Variants in EPHB1 observed in about 807,000 individuals in gnomAD.
EPHB1 encodes the protein ephrin type-B receptor 1.
EPHB1 carries 30 observed loss-of-function variants against 94.4 expected under a neutral mutation model. That is an observed-to-expected ratio of 0.32 (90% CI 0.24 to 0.43). The LOEUF (loss-of-function observed/expected upper bound fraction) is 0.43, where lower values mean the gene tolerates loss of function less well. Among genes scored for constraint, EPHB1 ranks in the 20% least tolerant of loss-of-function variants. The pLI is 1.00. For missense variants in EPHB1, 1,055 were observed against 1,308.3 expected, an observed-to-expected ratio of 0.81 and a Z score of 2.99; for synonymous variants, 522 against 489.1, an observed-to-expected ratio of 1.07 and a Z score of -0.89.
At chr3:135,002,263 A>G (rs981158283) in intron 3 of EPHB1, among the ~76,000 whole-genome samples, 1 of 152,002 alleles carries the variant, frequency 6.6e-6, no homozygotes, top group African/African-American at 2.4e-5. Context: ...ATTGATTTGC[A>G]TATATTGAAC....
At chr3:135,030,247 C>T (rs2107759609) in intron 3 of EPHB1, among the ~76,000 whole-genome samples, 1 of 152,324 alleles carries the variant, frequency 6.6e-6, no homozygotes, top group South Asian at 2.1e-4. Context: ...CTCCGTCCAG[C>T]TTTGTTCTGT....
At chr3:134,825,355 C>A (rs369558455) in intron 1 of EPHB1, among the ~76,000 whole-genome samples, 3 of 152,210 alleles carry the variant, frequency 2.0e-5, no homozygotes, top group African/African-American at 7.2e-5. Flanking sequence ...TGGTTTTGAA[C>A]CTAAGTGTGC....
chr3:134,958,413 A>AGTGT (rs3067407), intron 3 of EPHB1, among the ~76,000 whole-genome samples: 7,706 of 97,508 alleles, frequency 0.079, 246 homozygotes, highest in South Asian at 0.09. Flanking sequence ...AACACAAGGG[A>AGTGT]GTGTGTGTGT....
intron 3 of EPHB1, among the ~76,000 whole-genome samples, chr3:135,021,843 G>T (rs1935997142): frequency 6.6e-6 from 1 of 152,038 alleles, no homozygotes; most frequent in Non-Finnish European, 1.5e-5. Context: ...TAGTAAAGAA[G>T]AATATATATG....
chr3:135,196,964 A>C (rs959190676), intron 11 of EPHB1, among the ~76,000 whole-genome samples: 1 of 152,176 alleles, frequency 6.6e-6, no homozygotes, highest in Admixed American at 6.5e-5. Context: ...CCGTAATATT[A>C]GAAACAATTC....
intron 1 of EPHB1, among the ~76,000 whole-genome samples, chr3:134,806,042 CAT>C (rs1178298631): frequency 2.0e-5 from 3 of 152,132 alleles, no homozygotes; most frequent in Non-Finnish European, 4.4e-5. Context: ...ATAAGTATGA[CAT>C]AATGAATAAA....
intron 3 of EPHB1, among the ~76,000 whole-genome samples, chr3:135,013,324 A>G (rs989862347): frequency 6.6e-6 from 1 of 152,090 alleles, no homozygotes; most frequent in African/African-American, 2.4e-5. Context: ...TGCAGTGCCA[A>G]CTCTGCAGTG....
At chr3:135,038,944 G>T (rs897691725) in intron 3 of EPHB1, among the ~76,000 whole-genome samples, 5 of 152,240 alleles carry the variant, frequency 3.3e-5, no homozygotes, top group African/African-American at 1.2e-4. Flanking sequence ...GGCCTGTTTT[G>T]TCACGGCGCT....
chr3:134,918,208 G>C (rs942962607), intron 1 of EPHB1, among the ~76,000 whole-genome samples: 2 of 152,224 alleles, frequency 1.3e-5, no homozygotes, highest in African/African-American at 4.8e-5. Context: ...ACCTCCATGA[G>C]TAGGACTAGG....
intron 1 of EPHB1, among the ~76,000 whole-genome samples, chr3:134,895,799 A>G (rs1205548200): frequency 6.6e-6 from 1 of 152,212 alleles, no homozygotes; most frequent in African/African-American, 2.4e-5. Flanking sequence ...TATCTTCTGC[A>G]TTTTGAAAAG....
intron 1 of EPHB1, among the ~76,000 whole-genome samples, chr3:134,883,240 A>G (rs1023520042): frequency 6.6e-6 from 1 of 152,172 alleles, no homozygotes; most frequent in Admixed American, 6.5e-5. Flanking sequence ...TGTTTAGAGA[A>G]GCAGAAACTG....
intron 3 of EPHB1, among the ~76,000 whole-genome samples, chr3:135,069,064 C>A (rs527936606): frequency 6.7e-6 from 1 of 148,548 alleles, no homozygotes; most frequent in South Asian, 2.2e-4. Context: ...TTGATGAAAC[C>A]CAGTTTACCT....
intron 3 of EPHB1, among the ~76,000 whole-genome samples, chr3:135,040,428 C>T (rs986109790): frequency 6.6e-6 from 1 of 152,210 alleles, no homozygotes; most frequent in Non-Finnish European, 1.5e-5. Flanking sequence ...GGCTTGTCCT[C>T]TTGGGGACCT....
chr3:134,964,926 A>G (rs1933671200), intron 3 of EPHB1, among the ~76,000 whole-genome samples: 1 of 152,234 alleles, frequency 6.6e-6, no homozygotes, highest in South Asian at 2.1e-4. Context: ...TGCGAATTGC[A>G]ATTTTAAAAA....
At chr3:135,163,147 G>A (rs1030797176) in intron 7 of EPHB1, among the ~76,000 whole-genome samples, 2 of 152,046 alleles carry the variant, frequency 1.3e-5, no homozygotes, top group Non-Finnish European at 2.9e-5. Context: ...TGTTTGATAG[G>A]GCTTGAGATT....
intron 1 of EPHB1, among the ~76,000 whole-genome samples, chr3:134,828,006 C>T (rs1282656656): frequency 6.6e-6 from 1 of 152,134 alleles, no homozygotes; most frequent in Non-Finnish European, 1.5e-5. Flanking sequence ...CCCTTTCCAT[C>T]TGAACCCTTC....
rs2038781313 is a variant in EPHB1 at position 134,925,875 on chromosome 3, T to G, written c.118T>G (p.Ser40Ala). 2.5e-6 allele frequency: 4 copies of G among 1,602,758 alleles called. No homozygotes were observed. The highest frequency in any genetic ancestry group is 3.4e-6 in the Non-Finnish European group (4 of 1,174,372). The change falls in exon 2 of 16, where the codon TCC (serine) becomes GCC (alanine). Residue 40 changes from serine (S) to alanine (A), a missense_variant. Ser to Ala is a moderately conservative substitution (Grantham distance 99). Coordinates refer to ENST00000398015, the MANE Select transcript of EPHB1 (RefSeq NM_004441.5). Reference sequence around the variant, plus strand: ...GCTGGGCTGGACGGCCAATCCTGCGTCCGGGGTGAGTATCAAACCATTCGT... The same window carrying G: ...GCTGGGCTGGACGGCCAATCCTGCGGCCGGGGTGAGTATCAAACCATTCGT... The part of the protein sequence containing the change: ...AELGWTANPA[S>A]GWEEVSGYDE...
intron 3 of EPHB1, among the ~76,000 whole-genome samples, chr3:134,988,416 A>T (rs369743685): frequency 1.1e-4 from 16 of 152,186 alleles, no homozygotes; most frequent in African/African-American, 3.4e-4. Context: ...CAGACTATAT[A>T]TTTTTTTTCA....
chr3:134,818,005 G>C lies in EPHB1; in HGVS notation c.58+22316G>C, dbSNP rs950833356. Among the ~76,000 whole-genome samples the C allele has an allele frequency of 2.0e-5, 3 of 152,298 alleles. No homozygotes were observed. The East Asian group carries it at 5.8e-4, about 29-fold the overall frequency. Reference sequence around the variant, plus strand: ...CTCTTCAAACAGGTGGCTTCTTAATGCTTTTCCCCGCCCCACTCCTGGCTC... The same window carrying C: ...CTCTTCAAACAGGTGGCTTCTTAATCCTTTTCCCCGCCCCACTCCTGGCTC... On this transcript the variant is annotated intron_variant, in intron 1 of 15. Transcript: ENST00000398015.
Sources: allele counts gnomAD v4.1 joint callset (sites outside exome capture counted in the v4.1 genomes callset), GRCh38; gene constraint gnomAD v4.1.1; transcripts MANE v1.5; gene names NCBI Gene and HGNC (gene_info 2026-07-23, HGNC 2026-07-21).